The following MS4A15 variants were observed in gnomAD, a reference collection of about 807,000 sequenced individuals.
MS4A15 encodes the protein membrane-spanning 4-domains subfamily A member 15.
In MS4A15, 22 loss-of-function variants were observed where a neutral mutation model predicts 20.6. The ratio of observed to expected loss-of-function variants is 1.07; its 90% confidence interval spans 0.76 to 1.52. The LOEUF is 1.52. Among genes scored for constraint, MS4A15 ranks in the 40% most tolerant of loss-of-function variants. The probability of loss-of-function intolerance (pLI) is 0.00; values close to 1 mark genes in which losing one functional copy is unlikely to be tolerated. For synonymous variants in MS4A15, 129 were observed against 129.3 expected (o/e 1.00, Z 0.02); for missense variants, 312 against 323.0 (o/e 0.97, Z 0.26).
intron 1 of MS4A15, among the ~76,000 whole-genome samples, chr11:60,761,650 AC>A (rs1256425994): frequency 6.6e-6 from 1 of 152,198 alleles, no homozygotes; most frequent in Non-Finnish European, 1.5e-5. Flanking sequence ...TAAAAGGGAA[AC>A]AAGCTTTAAG....
chr11:60,768,049 C>T (rs1046115190), intron 3 of MS4A15, among the ~76,000 whole-genome samples: 16 of 151,898 alleles, frequency 1.1e-4, no homozygotes, highest in African/African-American at 3.4e-4. Context: ...AAAAATTAGC[C>T]GGGCACGGTG....
At chr11:60,773,592 T>C in intron 5 of MS4A15, 108 bp downstream of exon 5, 1 of 972,702 alleles carries the variant, frequency 1.0e-6, no homozygotes, top group Non-Finnish European at 1.6e-6. Context: ...TGGCAGGGCC[T>C]GCCAGTCCCT....
At chr11:60,764,828 G>T (rs906008096) in intron 2 of MS4A15, among the ~76,000 whole-genome samples, 1 of 152,116 alleles carries the variant, frequency 6.6e-6, no homozygotes, top group African/African-American at 2.4e-5. Context: ...AGAATTGCTT[G>T]AACCCGGGAG....
At chr11:60,773,690 A>T (rs2134730439) in intron 5 of MS4A15, 147 bp from the exon 6 acceptor site, 1 of 789,150 alleles carries the variant, frequency 1.3e-6, no homozygotes, top group East Asian at 2.5e-5. Flanking sequence ...GGTGAAGGGG[A>T]GGGTGCAGGA....
At chr11:60,762,063 G>A (rs546772501) in intron 1 of MS4A15, among the ~76,000 whole-genome samples, 51 of 152,304 alleles carry the variant, frequency 3.3e-4, no homozygotes, top group African/African-American at 1.2e-3. Context: ...CAGAAAAAAA[G>A]ATTTCTGGCC....
At chr11:60,762,539 G>A (rs1853770538) in intron 1 of MS4A15, among the ~76,000 whole-genome samples, 1 of 152,192 alleles carries the variant, frequency 6.6e-6, no homozygotes, top group African/African-American at 2.4e-5. Context: ...GCTTTCAATA[G>A]TTAAACCCAA....
chr11:60,760,132 T>C (rs1408298873), intron 1 of MS4A15, among the ~76,000 whole-genome samples: 3 of 152,200 alleles, frequency 2.0e-5, no homozygotes, highest in Non-Finnish European at 4.4e-5. Flanking sequence ...ACATCACACA[T>C]ATTCACTCTC....
intron 2 of MS4A15, among the ~76,000 whole-genome samples, chr11:60,766,107 G>A (rs539869186): frequency 5.2e-4 from 79 of 152,298 alleles, no homozygotes; most frequent in Middle Eastern, 3.4e-3. Context: ...CTGGCCAGGC[G>A]CAGTGGCCCA....
intron 3 of MS4A15, 95 bp from the exon 4 acceptor site, chr11:60,771,196 T>C (rs1202252819): frequency 1.4e-6 from 2 of 1,436,264 alleles, no homozygotes; most frequent in East Asian, 4.7e-5. Flanking sequence ...AGGAGGCTGT[T>C]GTCTCTCCCT....
At chr11:60,761,937 T>C (rs1433388748) in intron 1 of MS4A15, among the ~76,000 whole-genome samples, 1 of 152,224 alleles carries the variant, frequency 6.6e-6, no homozygotes, top group Non-Finnish European at 1.5e-5. Flanking sequence ...TAGTTAAATA[T>C]AACCTATGTC....
At chr11:60,763,603 C>G in intron 1 of MS4A15, 103 bp from the exon 2 acceptor site, 1 of 936,464 alleles carries the variant, frequency 1.1e-6, no homozygotes, top group Non-Finnish European at 1.6e-6. Context: ...TGGGGCCATA[C>G]TGGCAGGGCT....
At chr11:60,763,642 C>G (rs906992294) in intron 1 of MS4A15, 64 bp from the exon 2 acceptor site, 21 of 1,376,354 alleles carry the variant, frequency 1.5e-5, no homozygotes, top group African/African-American at 2.8e-5. Context: ...AGGCACGTTG[C>G]TTATCAACTA....
chr11:60,762,797 G>A (rs1047167112), intron 1 of MS4A15, among the ~76,000 whole-genome samples: 3 of 152,190 alleles, frequency 2.0e-5, no homozygotes, highest in Admixed American at 6.5e-5. Flanking sequence ...TTTGAGGTTG[G>A]GGCATGGAAA....
chr11:60,773,848 GGGCTATCT>G lies in MS4A15; in HGVS notation c.514_521del (p.Tyr172ArgfsTer57). 1.2e-6 allele frequency: 2 copies of G among 1,614,048 alleles called. No individual in the cohort carries two copies. The highest frequency in any genetic ancestry group is 1.7e-6 in the Non-Finnish European group (2 of 1,179,938). ...GTTTTGGTCCCCAGGATGTGGACAGGGGCTATCTGGCCGTGCTTACTATCTTCACTGTC... is the reference window on the plus strand; with the variant it reads ...GTTTTGGTCCCCAGGATGTGGACAGGGGCCGTGCTTACTATCTTCACTGTC... On this transcript the variant is annotated frameshift_variant, in exon 6 of 7. Coordinates refer to ENST00000405633, the MANE Select transcript of MS4A15 (RefSeq NM_001098835.2). LOFTEE classifies it high-confidence loss of function.
At chr11:60,760,290 C>G (rs535375692) in intron 1 of MS4A15, among the ~76,000 whole-genome samples, 3 of 152,232 alleles carry the variant, frequency 2.0e-5, no homozygotes, top group Non-Finnish European at 2.9e-5. Flanking sequence ...CAGTCTTAAA[C>G]AACAGTTTCA....
chr11:60,773,512 G>A, intron 5 of MS4A15, 28 bp downstream of exon 5: 1 of 1,591,630 alleles, frequency 6.3e-7, no homozygotes, highest in Non-Finnish European at 8.6e-7. Context: ...CCTCGGGGTG[G>A]GAAAACTTGG....
At position 60,771,537 on chromosome 11, in the gene MS4A15, G is replaced by A. The variant is rs925599469; in HGVS notation, c.405+190G>A. The A allele has an allele frequency of 3.9e-6, 6 of 1,533,152 alleles. No homozygotes were observed. In the African/African-American group the frequency reaches 4.1e-5, roughly 11 times the overall value. The allele number at this position is 1,533,152 out of a possible 1,614,324, so 95.0% of individuals were successfully genotyped here. ...TGTGCATGTCCAGGAGAAGAAGACAGGGATACTCTTTCAATACACAAGCCA... is the reference window on the plus strand; with the variant it reads ...TGTGCATGTCCAGGAGAAGAAGACAAGGATACTCTTTCAATACACAAGCCA... On this transcript the variant is annotated intron_variant, in intron 4 of 6. Coordinates refer to ENST00000405633, the MANE Select transcript of MS4A15 (RefSeq NM_001098835.2).
intron 3 of MS4A15, 90 bp from the exon 4 acceptor site, chr11:60,771,201 C>G (rs1434725014): frequency 1.3e-6 from 2 of 1,483,152 alleles, no homozygotes; most frequent in Non-Finnish European, 1.9e-6. Flanking sequence ...GCTGTTGTCT[C>G]TCCCTGGCAC....
intron 2 of MS4A15, among the ~76,000 whole-genome samples, chr11:60,765,532 G>T (rs1414117950): frequency 6.6e-6 from 1 of 152,170 alleles, no homozygotes. Context: ...GCACCACCTT[G>T]TAAGAAGGGG....
Sources: allele counts gnomAD v4.1 joint callset (sites outside exome capture counted in the v4.1 genomes callset), GRCh38; gene constraint gnomAD v4.1.1; transcripts MANE v1.5; gene names NCBI Gene and HGNC (gene_info 2026-07-23, HGNC 2026-07-21).